Variants in CFLAR observed in about 807,000 individuals in gnomAD.
The protein encoded by CFLAR is CASP8 and FADD-like apoptosis regulator.
A neutral mutation model predicts 51.1 loss-of-function variants in CFLAR; 14 were observed. That is an observed-to-expected ratio of 0.27 (90% CI 0.18 to 0.43). The LOEUF is 0.43. Ranked by LOEUF, CFLAR falls within the 20% of genes least tolerant of loss-of-function variation. The pLI is 1.00. For missense variants in CFLAR, 390 were observed against 566.5 expected (o/e 0.69, Z 3.16); for synonymous variants, 210 against 211.6 (o/e 0.99, Z 0.06).
chr2:201,135,001 T>C (rs2049910812), intron 3 of CFLAR, among the ~76,000 whole-genome samples: 1 of 152,240 alleles, frequency 6.6e-6, no homozygotes, highest in Admixed American at 6.5e-5. Context: ...TTATGATTAT[T>C]ATTTTCAAAA....
Position 201,138,394 on chromosome 2 carries a change from G to T in CFLAR, c.524-1963G>T. On this transcript the variant is annotated intron_variant, in intron 4 of 9. Coordinates refer to ENST00000309955, the MANE Select transcript of CFLAR (RefSeq NM_003879.7). This position sits in a 1 kb window ranked among gnomAD's most constrained non-coding sequence, Gnocchi z 4.0. Reference sequence around the variant, plus strand: ...CTCGGTTCTTCAGCGCGGTGCAGGTGATAATGGCCACCAGCTCATCGCGAT... The same window carrying T: ...CTCGGTTCTTCAGCGCGGTGCAGGTTATAATGGCCACCAGCTCATCGCGAT... 1 of 780,138 alleles carries T rather than the reference G, an allele frequency of 1.3e-6. No homozygotes were observed. The highest frequency in any genetic ancestry group is 1.3e-5 in the South Asian group (1 of 74,274). The allele number at this position is 780,138 out of a possible 1,614,324, so 48.3% of individuals were successfully genotyped here. A position where few individuals can be genotyped will look rare whatever the true frequency, so the allele number is the denominator to read the frequency against.
chr2:201,130,187 G>GGGGGGGGGGGGGGGGGC, intron 2 of CFLAR, 41 bp downstream of exon 2: 1 of 292,394 alleles, frequency 3.4e-6, no homozygotes, highest in Non-Finnish European at 7.1e-6. Flanking sequence ...GGGTGGGAGG[G>GGGGGGGGGGGGGGGGGC]AGTGAAGTGT....
chr2:201,137,477 G>A (rs1460620132), intron 4 of CFLAR: 1 of 565,464 alleles, frequency 1.8e-6, no homozygotes, highest in Admixed American at 2.4e-5. Flanking sequence ...TGGACACTGG[G>A]GTGCACTCCC....
chr2:201,132,813 T>G, intron 2 of CFLAR: 1 of 412,650 alleles, frequency 2.4e-6, no homozygotes, highest in Non-Finnish European at 4.3e-6. Flanking sequence ...ATGTACCATC[T>G]CCTATTAAAC....
chr2:201,129,581 C>T, intron 1 of CFLAR, 148 bp from the exon 2 acceptor site: 1 of 424,844 alleles, frequency 2.4e-6, no homozygotes, highest in Non-Finnish European at 4.1e-6. Context: ...ACCAAGGATC[C>T]CTTTCTTTAG....
chr2:201,136,379 C>G, intron 4 of CFLAR: 1 of 1,598,458 alleles, frequency 6.3e-7, no homozygotes, highest in East Asian at 2.2e-5. Flanking sequence ...CTGGGATCTG[C>G]ACAGGCTGGC....
chr2:201,172,489 G>A lies in CFLAR; in HGVS notation c.*8516G>A, dbSNP rs540095297. On this transcript the variant is annotated 3_prime_UTR_variant, in exon 10 of 10. Coordinates refer to ENST00000309955, the MANE Select transcript of CFLAR (RefSeq NM_003879.7). ...CAGTGGATTTTAGTATATTTACAGA[G>A]TTGTGCAATCATCACCACTATCTAA... is the stretch of plus-strand genomic sequence containing the variant. The A allele has an allele frequency of 6.6e-6, 1 of 152,206 alleles. No individual in the cohort carries two copies. The highest frequency in any genetic ancestry group is 6.6e-5 in the Admixed American group (1 of 15,266). The allele number at this position is 152,206 out of a possible 1,614,324, so 9.4% of individuals were successfully genotyped here.
intron 6 of CFLAR, among the ~76,000 whole-genome samples, chr2:201,145,874 G>T (rs544101760): frequency 6.6e-6 from 1 of 152,034 alleles, no homozygotes; most frequent in East Asian, 1.9e-4. Flanking sequence ...GAAAGAAAAC[G>T]TGCAATTTAA....
rs544786054 is a variant in CFLAR, at chr2:201,149,760, C to T, written c.718C>T (p.Pro240Ser). Reference protein sequence around the residue: ...ESEAFLPQSIPEERYKMKSKP... With the variant: ...ESEAFLPQSISEERYKMKSKP... ...TTCTTGTCTTCCTTTCCAGAGCATA[C>T]CTGAAGAGAGATACAAGATGAAGAG... Residue 240 changes from proline (P) to serine (S), a missense_variant, in exon 8 of 10, where the codon CCT (proline) becomes TCT (serine). Physicochemically the swap from Pro to Ser is moderately conservative, Grantham distance 74. Coordinates refer to ENST00000309955, the MANE Select transcript of CFLAR (RefSeq NM_003879.7). 1.2e-6 allele frequency: 2 copies of T among 1,612,286 alleles called. No individual in the cohort carries two copies. Among genetic ancestry groups the T allele is most frequent in the Admixed American group, 3.3e-5 (2 of 59,996 alleles).
At chr2:201,119,882 C>T (rs1319529151) in intron 1 of CFLAR, among the ~76,000 whole-genome samples, 5 of 142,370 alleles carry the variant, frequency 3.5e-5, no homozygotes, top group Non-Finnish European at 6.1e-5. Flanking sequence ...CAAATACAGT[C>T]TTTTACATAT....
chr2:201,141,514 C>T lies in CFLAR; in HGVS notation c.606+1075C>T, dbSNP rs905205311. The T allele has an allele frequency of 2.0e-5, 29 of 1,454,092 alleles. No individual in the cohort carries two copies. The African/African-American group carries it at 3.4e-4, about 17-fold the overall frequency. 90.1% of individuals were successfully genotyped at this position (1,454,092 alleles called of 1,614,324 possible). ...CTAAATGTGTTATAATGTGTTTAGC[C>T]CTTTCTTGTTGCTGTATGTTTAGAT... is the stretch of plus-strand genomic sequence containing the variant. On this transcript the variant is annotated intron_variant, in intron 5 of 9. Transcript: ENST00000309955.
intron 2 of CFLAR, among the ~76,000 whole-genome samples, chr2:201,132,430 A>AAATATATATATATATATATATAT: frequency 7.2e-6 from 1 of 137,964 alleles, no homozygotes; most frequent in African/African-American, 2.7e-5. Context: ...GGGGGGGAAA[A>AAATATATATATATATATATATAT]ATATATATAT....
rs1944168780 is a variant in CFLAR, at chr2:201,176,280, G to GGGT, written c.*12309_*12310insTGG. On this transcript the variant is annotated 3_prime_UTR_variant, in exon 10 of 10. Transcript: ENST00000309955. ...TCAGTCTCAGGTGTTTTCTATTGCG[G>GGGT]GGGGGGGGGGCGGGCGGGGGAGCTG... The GGGT allele has an allele frequency of 1.9e-5, 1 of 53,914 alleles. No individual in the cohort carries two copies. Among genetic ancestry groups the GGGT allele is most frequent in the African/African-American group, 5.8e-5 (1 of 17,306 alleles). 3.3% of individuals were successfully genotyped at this position (53,914 alleles called of 1,614,324 possible).
intron 7 of CFLAR, 33 bp downstream of exon 7, chr2:201,149,085 T>G: frequency 7.1e-7 from 1 of 1,414,400 alleles, no homozygotes; most frequent in African/African-American, 1.4e-5. Context: ...TGGTATTATA[T>G]GTACATAGCT....
Position 201,162,958 on chromosome 2 carries a change from T to C in CFLAR, c.1305-877T>C, listed in dbSNP as rs1457171657. 4.2e-6 allele frequency: 3 copies of C among 709,004 alleles called. No individual in the cohort carries two copies. In the East Asian group the frequency reaches 7.8e-5, roughly 18 times the overall value. The allele number at this position is 709,004 out of a possible 1,614,324, so 43.9% of individuals were successfully genotyped here. A position where few individuals can be genotyped will look rare whatever the true frequency, so the allele number is the denominator to read the frequency against. ...ACGAAGTAAGTATTAAACATCCTTG[T>C]AACTTAGTATTTGTTCTTATCCTTA... On this transcript the variant is annotated intron_variant, in intron 9 of 9. Transcript: ENST00000309955.
intron 4 of CFLAR, chr2:201,136,805 T>C: frequency 3.5e-6 from 1 of 288,872 alleles, no homozygotes; most frequent in Non-Finnish European, 6.6e-6. Flanking sequence ...TCTTGTTTTT[T>C]GAGACCTGCT....
At chr2:201,151,391 T>A (rs1346795889) in intron 8 of CFLAR, 1 of 152,148 alleles carries the variant, frequency 6.6e-6, no homozygotes, top group Non-Finnish European at 1.5e-5. Context: ...TTAAAATGAG[T>A]CAGAACTATC....
chr2:201,140,608 A>C (rs764349071), intron 5 of CFLAR, 169 bp downstream of exon 5: 45 of 557,126 alleles, frequency 8.1e-5, no homozygotes, highest in Non-Finnish European at 1.3e-4. Context: ...AAGCTAATAC[A>C]TGTTCATTGA....
intron 3 of CFLAR, among the ~76,000 whole-genome samples, chr2:201,133,571 AGTGGG>A (rs773573295): frequency 2.0e-4 from 31 of 151,836 alleles, no homozygotes; most frequent in Non-Finnish European, 4.3e-4. Flanking sequence ...TGCATGTAGG[AGTGGG>A]GTGGGGGGAG....
Sources: gnomAD v4.1 joint callset for allele counts (sites outside exome capture counted in the v4.1 genomes callset) on GRCh38, gnomAD v4.1.1 for gene constraint, Gnocchi (gnomAD v3.1) non-coding constraint, MANE v1.5 for transcripts, NCBI Gene and HGNC (gene_info 2026-07-23, HGNC 2026-07-21) for gene names.